The following RBPJ variants were observed in gnomAD, a reference collection of about 807,000 sequenced individuals.
The protein encoded by RBPJ is recombination signal binding protein for immunoglobulin kappa J region, also known as recombining binding protein suppressor of hairless.
In RBPJ, 9 loss-of-function variants were observed where a neutral mutation model predicts 67.8. That is an observed-to-expected ratio of 0.13 (90% CI 0.08 to 0.23). The LOEUF (loss-of-function observed/expected upper bound fraction) is 0.23, where lower values mean the gene tolerates loss of function less well. Ranked by LOEUF, RBPJ falls within the 10% of genes least tolerant of loss-of-function variation. RBPJ has a pLI of 1.00. For synonymous variants in RBPJ, 198 were observed against 203.3 expected, an observed-to-expected ratio of 0.97 and a Z score of 0.22; for missense variants, 305 against 595.6, an observed-to-expected ratio of 0.51 and a Z score of 5.08.
At chr4:26,156,414 C>CTTTTTT in the RBPJ span, among the ~76,000 whole-genome samples, 160 of 93,546 alleles carry the variant, frequency 1.7e-3, 1 homozygote, top group African/African-American at 2.4e-3. Context: ...TCTTTTCTTT[C>CTTTTTT]TTTTTTTTTT....
intron 2 of RBPJ, among the ~76,000 whole-genome samples, chr4:26,404,947 T>G (rs2109738310): frequency 6.6e-6 from 1 of 152,314 alleles, no homozygotes; most frequent in Admixed American, 6.5e-5. Flanking sequence ...GTGCTTTTTG[T>G]ACATATCTCT....
At chr4:26,192,133 C>A (rs1717581489) in intron 1 of RBPJ, among the ~76,000 whole-genome samples, 1 of 152,054 alleles carries the variant, frequency 6.6e-6, no homozygotes. Context: ...CTCAGCCTCC[C>A]AAGTAGCTGG....
chr4:26,163,165 T>C (rs12331125), upstream of RBPJ, among the ~76,000 whole-genome samples: 3,112 of 152,242 alleles, frequency 0.02, 90 homozygotes, highest in African/African-American at 0.07. Context: ...ATCAAGGCAG[T>C]CACTAAACAT....
At chr4:26,224,287 T>C (rs1377795754) in intron 1 of RBPJ, among the ~76,000 whole-genome samples, 1 of 152,150 alleles carries the variant, frequency 6.6e-6, no homozygotes, top group Non-Finnish European at 1.5e-5. Flanking sequence ...TGGAGTGCAG[T>C]GGCACAATCT....
intron 1 of RBPJ, among the ~76,000 whole-genome samples, chr4:26,199,913 C>T (rs190201924): frequency 4.4e-4 from 67 of 152,276 alleles, no homozygotes; most frequent in African/African-American, 1.5e-3. Flanking sequence ...ACCGTTCAGT[C>T]GAGGTGATGC....
intron 1 of RBPJ, among the ~76,000 whole-genome samples, chr4:26,271,904 C>A (rs547264462): frequency 6.6e-6 from 1 of 152,160 alleles, no homozygotes. Context: ...GAGACACGTG[C>A]GTGCTTGAAC....
At chr4:26,167,969 T>C (rs556067219) in intron 1 of RBPJ, among the ~76,000 whole-genome samples, 3,625 of 152,036 alleles carry the variant, frequency 0.024, 139 homozygotes, top group African/African-American at 0.083. Context: ...TGTGTGTCTC[T>C]GCATGTGAGA....
intron 1 of RBPJ, among the ~76,000 whole-genome samples, chr4:26,366,264 G>T (rs1001818403): frequency 6.6e-6 from 1 of 151,706 alleles, no homozygotes. Context: ...AATATTACCA[G>T]ATCAGTAGTT....
At chr4:26,136,643 G>A in the RBPJ span, among the ~76,000 whole-genome samples, 4 of 152,234 alleles carry the variant, frequency 2.6e-5, no homozygotes, top group East Asian at 7.7e-4. Context: ...TACTTACACA[G>A]AAAAGAAAAG....
At chr4:26,365,956 T>C (rs1728579350) in intron 1 of RBPJ, among the ~76,000 whole-genome samples, 3 of 152,224 alleles carry the variant, frequency 2.0e-5, no homozygotes, top group Admixed American at 6.5e-5. Flanking sequence ...TATCAACTCA[T>C]AGATCAGTGG....
intron 2 of RBPJ, among the ~76,000 whole-genome samples, chr4:26,400,337 G>C (rs75823889): frequency 0.043 from 6,512 of 152,262 alleles, 166 homozygotes; most frequent in East Asian, 0.088. Flanking sequence ...GGCACCTGCA[G>C]GGTAAAAGAT....
chr4:26,392,068 C>G (rs1202465974), intron 2 of RBPJ, among the ~76,000 whole-genome samples: 2 of 152,110 alleles, frequency 1.3e-5, no homozygotes, highest in African/African-American at 2.4e-5. Flanking sequence ...TCCCAGATGC[C>G]CCACCTCCTA....
intron 1 of RBPJ, among the ~76,000 whole-genome samples, chr4:26,288,814 C>T (rs995499839): frequency 6.6e-6 from 1 of 152,128 alleles, no homozygotes; most frequent in Non-Finnish European, 1.5e-5. Flanking sequence ...GCATTAATAT[C>T]CCCACTTAAA....
intron 1 of RBPJ, among the ~76,000 whole-genome samples, chr4:26,218,527 C>G (rs1200779918): frequency 6.6e-6 from 1 of 152,192 alleles, no homozygotes; most frequent in Admixed American, 6.5e-5. Flanking sequence ...GGTCACAGCT[C>G]TGGAGCCTGC....
At chr4:26,273,447 G>C (rs556166264) in intron 1 of RBPJ, among the ~76,000 whole-genome samples, 49 of 152,336 alleles carry the variant, frequency 3.2e-4, no homozygotes, top group African/African-American at 1.1e-3. Flanking sequence ...TGCCTCCGAG[G>C]GAGCGTGGAG....
intron 1 of RBPJ, among the ~76,000 whole-genome samples, chr4:26,286,929 G>A (rs1469472677): frequency 5.3e-5 from 8 of 151,990 alleles, no homozygotes; most frequent in Admixed American, 3.9e-4. Context: ...TGGGATCACG[G>A]GGATGCACCA....
intron 1 of RBPJ, among the ~76,000 whole-genome samples, chr4:26,218,671 C>G (rs902756163): frequency 1.3e-5 from 2 of 152,128 alleles, no homozygotes; most frequent in Admixed American, 1.3e-4. Flanking sequence ...CCTGCCATAC[C>G]CCCTCGGCCT....
At chr4:26,168,544 A>G (rs201811598) in intron 1 of RBPJ, among the ~76,000 whole-genome samples, 170 of 127,336 alleles carry the variant, frequency 1.3e-3, no homozygotes, top group Admixed American at 2.6e-3. Flanking sequence ...TCTGACAATT[A>G]TGTGTCTTGG....
At chr4:26,127,735 G>T in the RBPJ span, among the ~76,000 whole-genome samples, 1 of 152,170 alleles carries the variant, frequency 6.6e-6, no homozygotes, top group Non-Finnish European at 1.5e-5. Flanking sequence ...ATAGGGTTTT[G>T]CCCAGCAGGT....
Sources: allele counts gnomAD v4.1 joint callset (sites outside exome capture counted in the v4.1 genomes callset), GRCh38; gene constraint gnomAD v4.1.1; transcripts MANE v1.5; gene names NCBI Gene and HGNC (gene_info 2026-07-23, HGNC 2026-07-21).